DCBLD2: variants seen among roughly 807,000 people sequenced by gnomAD.
DCBLD2 encodes the protein discoidin, CUB and LCCL domain containing 2.
Under a neutral mutation model 86.8 loss-of-function variants are expected in DCBLD2, and 54 were observed. That is an observed-to-expected ratio of 0.62 (90% confidence interval 0.50 to 0.78). The LOEUF (loss-of-function observed/expected upper bound fraction) is 0.78, where lower values mean the gene tolerates loss of function less well. Ranked by LOEUF, DCBLD2 falls within the 30% of genes least tolerant of loss-of-function variation. The pLI, the probability that DCBLD2 is intolerant of heterozygous loss-of-function variation, is 0.00. For synonymous variants in DCBLD2, 354 were observed against 341.3 expected (o/e 1.04, Z -0.41); for missense variants, 908 against 954.2 (o/e 0.95, Z 0.64).
rs72936673 is a variant in DCBLD2 at position 98,887,410 on chromosome 3, G to C, written c.206-5643C>G. The stretch of plus-strand genomic sequence containing the variant: ...TTTGGTACTGTGAATTTTTAGACCA[G>C]AAGTACTATATCAACCTTGTAATTG... On this transcript the variant is annotated intron_variant, in intron 1 of 15. Coordinates refer to ENST00000326840, the MANE Select transcript of DCBLD2 (RefSeq NM_080927.4). Among the ~76,000 whole-genome samples the C allele has an allele frequency of 6.3e-3, 963 of 152,112 alleles. 10 individuals carry two copies. The highest frequency in any genetic ancestry group is 0.022 in the African/African-American group (908 of 41,550).
Position 98,822,720 on chromosome 3 carries a change from A to G in DCBLD2, c.645T>C (p.Cys215=). Reference sequence around the variant, plus strand: ...CAGATATCTCAGCAAAAGGAAGCAGACAACCAGCTGGGCAGTACTTACTGA... The same window carrying G: ...CAGATATCTCAGCAAAAGGAAGCAGGCAACCAGCTGGGCAGTACTTACTGA... ...PEFSKYCPAG[C]LLPFAEISGT... The change falls in exon 5 of 16, where the codon TGT becomes TGC. Residue 215 remains cysteine (C), a synonymous_variant. Coordinates refer to ENST00000326840, the MANE Select transcript of DCBLD2 (RefSeq NM_080927.4). 6.3e-7 allele frequency: 1 copy of G among 1,598,294 alleles called. No homozygotes were observed. Among genetic ancestry groups the G allele is most frequent in the Non-Finnish European group, 8.5e-7 (1 of 1,171,766 alleles).
intron 2 of DCBLD2, among the ~76,000 whole-genome samples, chr3:98,860,264 T>G (rs558016060): frequency 6.6e-6 from 1 of 152,156 alleles, no homozygotes; most frequent in African/African-American, 2.4e-5. Context: ...TACCTGAAAG[T>G]GATGGGGAGA....
At chr3:98,867,017 A>C (rs1943160048) in intron 2 of DCBLD2, among the ~76,000 whole-genome samples, 1 of 152,154 alleles carries the variant, frequency 6.6e-6, no homozygotes, top group African/African-American at 2.4e-5. Context: ...AGATGGTTGT[A>C]GATGTGTGGT....
chr3:98,859,018 T>C (rs977642216), intron 2 of DCBLD2, among the ~76,000 whole-genome samples: 1 of 152,206 alleles, frequency 6.6e-6, no homozygotes, highest in African/African-American at 2.4e-5. Flanking sequence ...ATCGGGTCAC[T>C]TCTGCCCTAA....
chr3:98,843,597 A>C (rs910390411), intron 3 of DCBLD2, among the ~76,000 whole-genome samples: 5 of 152,212 alleles, frequency 3.3e-5, no homozygotes, highest in Non-Finnish European at 7.3e-5. Flanking sequence ...CTGATGTAAG[A>C]ATGAAAAAAT....
intron 2 of DCBLD2, among the ~76,000 whole-genome samples, chr3:98,878,737 G>T (rs975443380): frequency 6.6e-6 from 1 of 152,184 alleles, no homozygotes; most frequent in African/African-American, 2.4e-5. Context: ...GGTACAAACT[G>T]AAGCCCAACA....
intron 7 of DCBLD2, 48 bp from the exon 8 acceptor site, chr3:98,819,465 A>G (rs778601446): frequency 1.9e-6 from 3 of 1,595,278 alleles, no homozygotes; most frequent in East Asian, 4.5e-5. Context: ...TAATTTCAAA[A>G]TGCATGTAGA....
chr3:98,866,719 C>T (rs1481222517), intron 2 of DCBLD2, among the ~76,000 whole-genome samples: 2 of 152,150 alleles, frequency 1.3e-5, no homozygotes, highest in Non-Finnish European at 2.9e-5. Flanking sequence ...AATTAGATCC[C>T]ATTTGTCAAT....
At position 98,799,603 on chromosome 3, in the gene DCBLD2, G is replaced by T; in HGVS notation, c.2097C>A (p.Ser699=). Residue 699 remains serine, a synonymous_variant, in exon 16 of 16, where the codon TCC becomes TCA. Transcript: ENST00000326840. ...PTTSVGQPST[S]TFKATGNQPP... ...GTTGGTTCCCCGTAGCCTTGAAAGT[G>T]GATGTGGAGGGCTGACCAACTGAAG... 2 of 1,613,994 alleles carry T rather than the reference G, an allele frequency of 1.2e-6. No homozygotes were observed. Among genetic ancestry groups the T allele is most frequent in the Non-Finnish European group, 1.7e-6 (2 of 1,179,896 alleles).
At chr3:98,880,517 T>C (rs560945420) in intron 2 of DCBLD2, among the ~76,000 whole-genome samples, 5 of 152,314 alleles carry the variant, frequency 3.3e-5, no homozygotes, top group Non-Finnish European at 7.4e-5. Context: ...GCGTTTAAGA[T>C]ACTGAGGCCT....
At chr3:98,825,487 T>C (rs1942198494) in intron 3 of DCBLD2, 121 bp from the exon 4 acceptor site, 3 of 718,766 alleles carry the variant, frequency 4.2e-6, no homozygotes, top group Non-Finnish European at 4.5e-6. Flanking sequence ...AATGGCACTG[T>C]CAAAGTGGTA....
intron 2 of DCBLD2, among the ~76,000 whole-genome samples, chr3:98,874,058 T>A (rs886378078): frequency 2.0e-5 from 3 of 152,134 alleles, no homozygotes; most frequent in Non-Finnish European, 4.4e-5. Flanking sequence ...GGTAGAAAGC[T>A]CAAACAGACC....
At chr3:98,860,498 G>A (rs1943020694) in intron 2 of DCBLD2, among the ~76,000 whole-genome samples, 1 of 152,184 alleles carries the variant, frequency 6.6e-6, no homozygotes, top group Non-Finnish European at 1.5e-5. Flanking sequence ...CCCACGAAGG[G>A]AAGCCCATCA....
At chr3:98,884,416 A>C (rs1055206789) in intron 1 of DCBLD2, among the ~76,000 whole-genome samples, 12 of 151,976 alleles carry the variant, frequency 7.9e-5, no homozygotes, top group East Asian at 7.7e-4. Flanking sequence ...AAAAAAAAAA[A>C]CCACAAATTT....
intron 3 of DCBLD2, among the ~76,000 whole-genome samples, chr3:98,827,191 A>G (rs1942239079): frequency 6.6e-6 from 1 of 152,132 alleles, no homozygotes; most frequent in South Asian, 2.1e-4. Context: ...GGGGCTCACT[A>G]CCACCCAGTT....
intron 2 of DCBLD2, among the ~76,000 whole-genome samples, chr3:98,859,078 C>G (rs369163961): frequency 6.6e-6 from 1 of 152,304 alleles, no homozygotes; most frequent in African/African-American, 2.4e-5. Flanking sequence ...CAGGAGATTA[C>G]ATCCCACGCC....
chr3:98,829,107 C>T (rs1406796839), intron 3 of DCBLD2, among the ~76,000 whole-genome samples: 1 of 152,106 alleles, frequency 6.6e-6, no homozygotes, highest in East Asian at 1.9e-4. Flanking sequence ...AACTGTACAA[C>T]TCTAAATACA....
chr3:98,864,560 T>C (rs1217292896), intron 2 of DCBLD2, among the ~76,000 whole-genome samples: 6 of 152,302 alleles, frequency 3.9e-5, no homozygotes, highest in African/African-American at 1.2e-4. Flanking sequence ...TGTAGGGACA[T>C]GGATGAAGCT....
chr3:98,890,987 A>G (rs988525137), intron 1 of DCBLD2, among the ~76,000 whole-genome samples: 2 of 152,108 alleles, frequency 1.3e-5, no homozygotes, highest in South Asian at 2.1e-4. Flanking sequence ...CAACCTCCAC[A>G]TGTCCAGCAG....
Sources: gnomAD v4.1 joint callset for allele counts (sites outside exome capture counted in the v4.1 genomes callset) on GRCh38, gnomAD v4.1.1 for gene constraint, MANE v1.5 for transcripts, NCBI Gene and HGNC (gene_info 2026-07-23, HGNC 2026-07-21) for gene names.